The following PRH1 variants were observed in gnomAD, a reference collection of about 807,000 sequenced individuals.
The protein encoded by PRH1 is proline rich protein HaeIII subfamily 1.
A neutral mutation model predicts 7.9 loss-of-function variants in PRH1; 7 were observed. The observed-to-expected ratio is 0.89, with a 90% CI of 0.50 to 1.67. PRH1 has a LOEUF of 1.67. PRH1 is among the 40% of genes most tolerant of loss of function. The pLI is 0.00. For synonymous variants in PRH1, 45 were observed against 80.8 expected (o/e 0.56, Z 2.38); for missense variants, 109 against 223.6 (o/e 0.49, Z 3.27).
intron 2 of PRH1, among the ~76,000 whole-genome samples, chr12:10,907,102 T>C (rs1004143050): frequency 6.6e-6 from 1 of 152,160 alleles, no homozygotes; most frequent in Admixed American, 6.6e-5. Flanking sequence ...TACCAACTGT[T>C]GGCCAGAATG....
At chr12:11,119,860 T>C, downstream of PRH1, among the ~76,000 whole-genome samples, 1 of 152,202 alleles carries the variant, frequency 6.6e-6, no homozygotes, top group East Asian at 1.9e-4. Context: ...TGAAATGTGG[T>C]CACCAATCAC....
chr12:11,083,159 T>C (rs1490691338), intron 1 of PRH1, among the ~76,000 whole-genome samples: 1 of 117,978 alleles, frequency 8.5e-6, no homozygotes, highest in African/African-American at 2.8e-5. Context: ...GTATATTTAA[T>C]GTCTGTATAA....
At chr12:10,941,676 C>T (rs1950404112) in intron 2 of PRH1, among the ~76,000 whole-genome samples, 2 of 151,694 alleles carry the variant, frequency 1.3e-5, no homozygotes, top group South Asian at 4.2e-4. Flanking sequence ...TCTCTGGTGC[C>T]TTTCTGATTA....
At chr12:10,961,347 G>A (rs1938226835) in intron 2 of PRH1, among the ~76,000 whole-genome samples, 1 of 150,936 alleles carries the variant, frequency 6.6e-6, no homozygotes, top group Non-Finnish European at 1.5e-5. Flanking sequence ...AAAATCAGAA[G>A]ATGGCAGCAT....
intron 1 of PRH1, among the ~76,000 whole-genome samples, chr12:11,154,680 T>G (rs1180350962): frequency 6.6e-6 from 1 of 152,228 alleles, no homozygotes; most frequent in African/African-American, 2.4e-5. Context: ...TCTAGGCATA[T>G]TGACAACTCC....
chr12:11,091,976 T>C (rs759671855), intron 1 of PRH1: 1 of 1,313,548 alleles, frequency 7.6e-7, no homozygotes, highest in South Asian at 1.2e-5. Context: ...CCAGATATTA[T>C]AAGCAGTAGT....
At chr12:11,048,811 G>A (rs35062230), upstream of PRH1, 69,482 of 289,788 alleles carry the variant, frequency 0.24, 8,445 homozygotes, top group Non-Finnish European at 0.25. Flanking sequence ...ACTCTCACCC[G>A]TGGTTATCAG....
intron 2 of PRH1, among the ~76,000 whole-genome samples, chr12:10,936,444 G>A (rs1950289461): frequency 6.6e-6 from 1 of 152,042 alleles, no homozygotes; most frequent in African/African-American, 2.4e-5. Flanking sequence ...GATATAAAGT[G>A]TACAATTTCA....
chr12:11,078,429 G>A (rs1944380160), intron 1 of PRH1: 1 of 152,908 alleles, frequency 6.5e-6, no homozygotes, highest in East Asian at 1.1e-4. Context: ...GTTCAAAGCT[G>A]TCTTCATAGA....
chr12:10,986,610 G>A (rs766543330), intron 1 of PRH1: 19 of 1,613,948 alleles, frequency 1.2e-5, no homozygotes, highest in Non-Finnish European at 1.5e-5. Context: ...GGCATTATAA[G>A]AAGTAATTCT....
At chr12:10,977,435 T>C (rs918461797) in intron 1 of PRH1, among the ~76,000 whole-genome samples, 15 of 152,274 alleles carry the variant, frequency 9.9e-5, no homozygotes, top group Admixed American at 6.5e-4. Flanking sequence ...AAGCACCACC[T>C]ATGACAAACA....
chr12:10,892,871 A>G (rs1949594587), intron 2 of PRH1, among the ~76,000 whole-genome samples: 1 of 152,206 alleles, frequency 6.6e-6, no homozygotes, highest in Non-Finnish European at 1.5e-5. Flanking sequence ...TGAAGGACTA[A>G]AGCAGCCCAA....
chr12:10,913,363 G>A (rs1043774773), intron 2 of PRH1, among the ~76,000 whole-genome samples: 3 of 151,966 alleles, frequency 2.0e-5, no homozygotes, highest in Admixed American at 1.3e-4. Context: ...GCAGAGGCAA[G>A]AGAATGGCAG....
At chr12:10,992,976 A>T (rs1480709157) in intron 1 of PRH1, among the ~76,000 whole-genome samples, 1 of 152,198 alleles carries the variant, frequency 6.6e-6, no homozygotes, top group Non-Finnish European at 1.5e-5. Flanking sequence ...TTGTCCAAGG[A>T]ATAGAATTGG....
At chr12:11,012,920 A>G (rs2136045634) in intron 1 of PRH1, among the ~76,000 whole-genome samples, 1 of 152,222 alleles carries the variant, frequency 6.6e-6, no homozygotes, top group South Asian at 2.1e-4. Flanking sequence ...TGCAACAACT[A>G]GGATAAGAGT....
chr12:10,887,688 A>G (rs536647820), upstream of PRH1, among the ~76,000 whole-genome samples: 1 of 151,928 alleles, frequency 6.6e-6, no homozygotes, highest in African/African-American at 2.4e-5. Context: ...ATGACTGACT[A>G]ATTTTTTCCC....
At chr12:11,086,219 G>C (rs73064942) in intron 1 of PRH1, among the ~76,000 whole-genome samples, 2 of 141,006 alleles carry the variant, frequency 1.4e-5, no homozygotes, top group Non-Finnish European at 3.1e-5. Flanking sequence ...TGTTTATCAA[G>C]CTTAATGTCT....
At chr12:10,905,916 C>T (rs1591664456) in intron 2 of PRH1, among the ~76,000 whole-genome samples, 1 of 152,294 alleles carries the variant, frequency 6.6e-6, no homozygotes, top group African/African-American at 2.4e-5. Context: ...TGACTCCAGA[C>T]TCAGTCCTTA....
upstream of PRH1, among the ~76,000 whole-genome samples, chr12:11,048,144 A>ATG (rs1179949590): frequency 7.7e-6 from 1 of 130,050 alleles, no homozygotes; most frequent in African/African-American, 2.8e-5. Flanking sequence ...CCACACACAT[A>ATG]TATGTGTGTG....
Sources: allele counts gnomAD v4.1 joint callset (sites outside exome capture counted in the v4.1 genomes callset), GRCh38; gene constraint gnomAD v4.1.1; transcripts MANE v1.5; gene names NCBI Gene and HGNC (gene_info 2026-07-23, HGNC 2026-07-21).